PHEX: variants seen among roughly 807,000 people sequenced by gnomAD.
PHEX encodes phosphate regulating endopeptidase X-linked, also known as phosphate-regulating neutral endopeptidase PHEX.
In PHEX, 16 loss-of-function variants were observed where a neutral mutation model predicts 68.0. That is an observed-to-expected ratio of 0.24 (90% confidence interval 0.16 to 0.36). PHEX has a LOEUF of 0.36. Among genes scored for constraint, PHEX ranks in the 10% least tolerant of loss-of-function variants. PHEX has a pLI of 1.00. For missense variants in PHEX, 480 were observed against 575.5 expected (o/e 0.83, Z 1.70); for synonymous variants, 208 against 205.1 (o/e 1.01, Z -0.12).
At chrX:22,141,750 C>T (rs967674203) in intron 12 of PHEX, among the ~76,000 whole-genome samples, 6 of 111,658 alleles carry the variant, frequency 5.4e-5, no homozygotes, top group Non-Finnish European at 1.1e-4. Flanking sequence ...AAATAAAGCA[C>T]AACAGTAGAA....
At chrX:22,072,159 C>T (rs747542980) in intron 3 of PHEX, among the ~76,000 whole-genome samples, 2 of 112,218 alleles carry the variant, frequency 1.8e-5, no homozygotes, top group Admixed American at 9.4e-5. Context: ...ACCTGGGAGG[C>T]GGAGGTTGCA....
rs143446533 is a variant in PHEX, at chrX:22,062,598, C to T, written c.350-13790C>T. Reference sequence around the variant, plus strand: ...GCCACATTGCAATACCCAGTAGCCTCGTGGGACTACTGAAAAGTACAATTC... The same window carrying T: ...GCCACATTGCAATACCCAGTAGCCTTGTGGGACTACTGAAAAGTACAATTC... On this transcript the variant is annotated intron_variant, in intron 3 of 21. Transcript: ENST00000379374. 9.6e-3 allele frequency among the ~76,000 whole-genome samples: 1,073 copies of T among 111,307 alleles called. 11 individuals are homozygous for T. Among genetic ancestry groups the T allele is most frequent in the African/African-American group, 0.033 (1,009 of 30,574 alleles).
rs768328218 is a variant in PHEX, at chrX:22,074,938, G to A, written c.350-1450G>A. ...TAAAAATACAAAAAATTAGCCGAGT[G>A]TGGTGGTGTGCACCTGTAATCTCAG... On this transcript the variant is annotated intron_variant, in intron 3 of 21. Coordinates refer to ENST00000379374, the MANE Select transcript of PHEX (RefSeq NM_000444.6). 1.3e-4 allele frequency among the ~76,000 whole-genome samples: 14 copies of A among 109,899 alleles called. No individual in the cohort carries two copies. In the Admixed American group the frequency reaches 1.4e-3, roughly 11 times the overall value.
intron 11 of PHEX, among the ~76,000 whole-genome samples, chrX:22,127,660 C>G (rs937787735): frequency 1.8e-5 from 2 of 110,125 alleles, no homozygotes. Flanking sequence ...TAGTTCAACA[C>G]CATTTCACAG....
intron 1 of PHEX, among the ~76,000 whole-genome samples, chrX:22,038,014 C>T (rs2071201): frequency 0.23 from 25,520 of 110,269 alleles, 2,561 homozygotes; most frequent in African/African-American, 0.36. Context: ...TAATTGGAGG[C>T]TGAAGCGACT....
intron 1 of PHEX, among the ~76,000 whole-genome samples, chrX:22,037,913 G>A (rs1279555995): frequency 1.8e-5 from 2 of 111,863 alleles, no homozygotes; most frequent in Admixed American, 1.9e-4. Context: ...GGCTCCAAAT[G>A]ACATAGTTTA....
At chrX:22,225,878 G>A (rs1030479447) in intron 18 of PHEX, among the ~76,000 whole-genome samples, 1 of 111,950 alleles carries the variant, frequency 8.9e-6, no homozygotes, top group Non-Finnish European at 1.9e-5. Context: ...CATGCTGGCT[G>A]GTTGTCATAC....
intron 3 of PHEX, among the ~76,000 whole-genome samples, chrX:22,067,186 G>A (rs1174532788): frequency 9.1e-6 from 1 of 109,677 alleles, no homozygotes; most frequent in Non-Finnish European, 1.9e-5. Flanking sequence ...AAGTTGCAGT[G>A]AGCCAAGATC....
At chrX:22,241,500 A>G (rs1936193005) in intron 20 of PHEX, among the ~76,000 whole-genome samples, 1 of 111,711 alleles carries the variant, frequency 9.0e-6, no homozygotes, top group African/African-American at 3.3e-5. Flanking sequence ...TGGCTTTTCA[A>G]AAAGATCAAC....
chrX:22,205,491 G>T (rs1240904705), intron 15 of PHEX, among the ~76,000 whole-genome samples: 1 of 111,168 alleles, frequency 9.0e-6, no homozygotes, highest in Non-Finnish European at 1.9e-5. Context: ...ACATGGTCTG[G>T]GTTTCTGAAG....
chrX:22,165,181 C>T (rs781287392), intron 12 of PHEX, among the ~76,000 whole-genome samples: 32 of 111,975 alleles, frequency 2.9e-4, no homozygotes, highest in Admixed American at 5.7e-4. Flanking sequence ...ACTGGTTTTG[C>T]TTTGTGGCTT....
chrX:22,082,872 G>A (rs1467774759), intron 5 of PHEX, among the ~76,000 whole-genome samples: 3 of 112,064 alleles, frequency 2.7e-5, no homozygotes, highest in Non-Finnish European at 5.6e-5. Context: ...AAATTCATAT[G>A]GAATCAAAAC....
chrX:22,231,705 T>G (rs1192859867), intron 20 of PHEX, among the ~76,000 whole-genome samples: 1 of 111,789 alleles, frequency 8.9e-6, no homozygotes, highest in South Asian at 3.7e-4. Context: ...GTTGTTGATC[T>G]TTTCAAAAAA....
At chrX:22,179,609 A>T (rs1267835849) in intron 14 of PHEX, among the ~76,000 whole-genome samples, 1 of 111,478 alleles carries the variant, frequency 9.0e-6, no homozygotes, top group East Asian at 2.8e-4. Flanking sequence ...GTTACATAGG[A>T]TAATGGTCTC....
intron 6 of PHEX, among the ~76,000 whole-genome samples, chrX:22,092,532 C>T (rs1056542021): frequency 3.7e-5 from 4 of 109,258 alleles, no homozygotes; most frequent in Non-Finnish European, 7.6e-5. Context: ...ACCACCATGC[C>T]GGGCTAATTT....
chrX:22,058,298 G>A (rs1419801035), intron 3 of PHEX, among the ~76,000 whole-genome samples: 1 of 112,186 alleles, frequency 8.9e-6, no homozygotes, highest in Non-Finnish European at 1.9e-5. Flanking sequence ...AATCCAATGA[G>A]ATGCGTAGAA....
intron 10 of PHEX, among the ~76,000 whole-genome samples, chrX:22,113,261 T>G (rs1931074263): frequency 8.9e-6 from 1 of 111,755 alleles, no homozygotes; most frequent in African/African-American, 3.3e-5. Context: ...CTAGAGGTTT[T>G]AAAAATAGAT....
At chrX:22,202,425 C>G (rs1402708376) in intron 15 of PHEX, among the ~76,000 whole-genome samples, 1 of 111,317 alleles carries the variant, frequency 9.0e-6, no homozygotes, top group Non-Finnish European at 1.9e-5. Context: ...ATGGTATGCC[C>G]CATTTGAGGG....
intron 3 of PHEX, among the ~76,000 whole-genome samples, chrX:22,071,233 C>A (rs756171435): frequency 9.0e-6 from 1 of 110,796 alleles, no homozygotes; most frequent in Non-Finnish European, 1.9e-5. Flanking sequence ...AAAGCTGAGA[C>A]AATTGATGAA....
Sources: gnomAD v4.1 joint callset for allele counts (sites outside exome capture counted in the v4.1 genomes callset) on GRCh38, gnomAD v4.1.1 for gene constraint, MANE v1.5 for transcripts, NCBI Gene and HGNC (gene_info 2026-07-23, HGNC 2026-07-21) for gene names.